KMT2D: variants seen among roughly 807,000 people sequenced by gnomAD.
KMT2D encodes lysine methyltransferase 2D.
A neutral mutation model predicts 512.7 loss-of-function variants in KMT2D; 55 were observed. The observed-to-expected ratio is 0.11, with a 90% CI of 0.09 to 0.13. The LOEUF is 0.13. KMT2D is among the 10% of genes least tolerant of loss of function. The pLI is 1.00. For missense variants in KMT2D, 6,061 were observed against 7,127.9 expected (o/e 0.85, Z 5.39); for synonymous variants, 2,995 against 2,904.0 (o/e 1.03, Z -1.01).
Position 49,043,126 on chromosome 12 carries a change from G to C in KMT2D, c.5594C>G (p.Thr1865Ser), listed in dbSNP as rs886049481. The C allele has an allele frequency of 4.3e-6, 7 of 1,613,986 alleles. No individual in the cohort carries two copies. The highest frequency in any genetic ancestry group is 5.9e-6 in the Non-Finnish European group (7 of 1,179,870). ...AGAGCTAAGCATCCCTTCACCTGGGGTGCCTGGCTTCTCAGGGTCACTGGG... is the reference window on the plus strand; with the variant it reads ...AGAGCTAAGCATCCCTTCACCTGGGCTGCCTGGCTTCTCAGGGTCACTGGG... ...PVPSDPEKPG[T>S]PGEGMLSSDL... Residue 1865 changes from threonine (T) to serine (S), a missense_variant, in exon 26 of 55, where the codon ACC becomes AGC. By Grantham distance (58) the Thr-to-Ser change is moderately conservative. Transcript: ENST00000301067.
Position 49,034,446 on chromosome 12 carries a change from G to C in KMT2D, c.10471C>G (p.Arg3491Gly), listed in dbSNP as rs902898516. 5.0e-6 allele frequency: 8 copies of C among 1,613,644 alleles called. No individual in the cohort carries two copies. In the Admixed American group the frequency reaches 1.0e-4, roughly 20 times the overall value. ...TGAGCAAAAGTGGGCGGGTTGGGAC[G>C]AGGCTGGGAGGGATCACCAGCACTC... ...ERSAGDPSQP[R>G]PNPPTFAQGV... Residue 3491 changes from arginine to glycine, a missense_variant, in exon 38 of 55, where the codon CGT becomes GGT. Transcript: ENST00000301067.
rs1273756973 is a variant in KMT2D at position 49,033,485 on chromosome 12, C to T, written c.11220G>A (p.Gln3740=). 6.3e-7 allele frequency: 1 copy of T among 1,599,402 alleles called. No individual in the cohort carries two copies. The highest frequency in any genetic ancestry group is 8.5e-7 in the Non-Finnish European group (1 of 1,171,228). The change falls in exon 40 of 55, where the codon CAG becomes CAA. Residue 3740 remains glutamine, a synonymous_variant. Coordinates refer to ENST00000301067, the MANE Select transcript of KMT2D (RefSeq NM_003482.4). ...CTAGAAGGTGCTGCTGCTGCTGTTGCTGCTGCTGCTGCTGCTGCAGTTTCT... is the reference window on the plus strand; with the variant it reads ...CTAGAAGGTGCTGCTGCTGCTGTTGTTGCTGCTGCTGCTGCTGCAGTTTCT... ...LAQKLQQQQQ[Q]QQQQQHLLGQ...
intron 35 of KMT2D, among the ~76,000 whole-genome samples, chr12:49,035,319 G>T (rs1409370189): frequency 1.3e-5 from 2 of 152,188 alleles, no homozygotes; most frequent in East Asian, 3.8e-4. Flanking sequence ...TTCTTCAAAG[G>T]TAATGTTCTT....
Position 49,052,314 on chromosome 12 carries a change from G to A in KMT2D, c.1369C>T (p.Pro457Ser), listed in dbSNP as rs958967605. Residue 457 changes from proline (P) to serine (S), a missense_variant, in exon 11 of 55, where the codon CCC (proline) becomes TCC (serine). Pro to Ser is a moderately conservative substitution (Grantham distance 74). This residue lies in a region of KMT2D where 848 missense variants were observed against 838.5 expected (regional missense o/e 1.01). Coordinates refer to ENST00000301067, the MANE Select transcript of KMT2D (RefSeq NM_003482.4). ...SPLSPPPEESPTSPPPEASRL... is the reference protein window; with the variant it reads ...SPLSPPPEESSTSPPPEASRL... ...GATGCCTCAGGTGGTGGGGACGTGG[G>A]TGATTCCTCAGGTGGTGGGGACAGG... 2 of 1,583,310 alleles carry A rather than the reference G, an allele frequency of 1.3e-6. No homozygotes were observed. The highest frequency in any genetic ancestry group is 1.7e-5 in the Admixed American group (1 of 58,514).
In KMT2D at chr12:49,026,142, T is replaced by A. The variant is rs1250166496; in HGVS notation, c.15784+40A>T. ...TAACAGTGACCCTGGGAGAAACTTT[T>A]CCCATTCCATATTATCCATTTCAAG... is the stretch of plus-strand genomic sequence containing the variant. On this transcript the variant is annotated intron_variant, in intron 49 of 54. Coordinates refer to ENST00000301067, the MANE Select transcript of KMT2D (RefSeq NM_003482.4). The surrounding 1 kb of genome is among the most constrained non-coding windows in gnomAD (Gnocchi z 9.6). 1 of 1,515,408 alleles carries A rather than the reference T, an allele frequency of 6.6e-7. No individual in the cohort carries two copies. Among genetic ancestry groups the A allele is most frequent in the South Asian group, 1.3e-5 (1 of 75,964 alleles). The allele number at this position is 1,515,408 out of a possible 1,614,324, so 93.9% of individuals were successfully genotyped here.
In KMT2D at chr12:49,022,975, T is replaced by G. The variant is rs764793853; in HGVS notation, c.16053-100A>C. On this transcript the variant is annotated intron_variant, in intron 51 of 54. Coordinates refer to ENST00000301067, the MANE Select transcript of KMT2D (RefSeq NM_003482.4). This position sits in a 1 kb window ranked among gnomAD's most constrained non-coding sequence, Gnocchi z 8.6. ...CTCCTGGGATGTGCAACACACCAGT[T>G]AGGGGCGTGTGCTGCTGGCAAGCAC... The G allele has an allele frequency of 1.6e-6, 2 of 1,255,134 alleles. No homozygotes were observed. Among genetic ancestry groups the G allele is most frequent in the Non-Finnish European group, 2.2e-6 (2 of 922,902 alleles). The allele number at this position is 1,255,134 out of a possible 1,614,324, so 77.7% of individuals were successfully genotyped here.
chr12:49,056,803 G>A (rs779945110), intron 1 of KMT2D, among the ~76,000 whole-genome samples: 2 of 152,158 alleles, frequency 1.3e-5, no homozygotes, highest in Non-Finnish European at 2.9e-5. Flanking sequence ...GATGAGACAG[G>A]GGGAACCCTC....
At position 49,060,382 on chromosome 12, in the gene KMT2D, TG is replaced by T. The variant is rs1938678148; in HGVS notation, c.-808del. Among the ~76,000 whole-genome samples, 2 of 151,380 alleles carry T rather than the reference TG, an allele frequency of 1.3e-5. No individual in the cohort carries two copies. The highest frequency in any genetic ancestry group is 6.6e-5 in the Admixed American group (1 of 15,242). ...CCCTGCGCTCGCCTCCCTTCCCCTC[TG>T]GCCTCGGGAGCTGCCCCGCCCCCGG... On this transcript the variant is annotated 5_prime_UTR_variant, in exon 1 of 55. Transcript: ENST00000301067.
chr12:49,040,654 G>A lies in KMT2D; in HGVS notation c.7116C>T (p.Gly2372=), dbSNP rs1445917311. The A allele has an allele frequency of 1.2e-6, 2 of 1,613,658 alleles. No homozygotes were observed. Among genetic ancestry groups the A allele is most frequent in the African/African-American group, 1.3e-5 (1 of 74,878 alleles). Residue 2372 remains glycine, a synonymous_variant, in exon 32 of 55, where the codon GGC becomes GGT. Coordinates refer to ENST00000301067, the MANE Select transcript of KMT2D (RefSeq NM_003482.4). ...PPSHPDIFRP[G]SYTDPYAQPP... ...GCTGAGCATATGGGTCAGTGTAGGAGCCAGGGCGAAAGATGTCTGGGTGAC... is the reference window on the plus strand; with the variant it reads ...GCTGAGCATATGGGTCAGTGTAGGAACCAGGGCGAAAGATGTCTGGGTGAC...
intron 36 of KMT2D, 41 bp from the exon 37 acceptor site, chr12:49,034,707 A>C (rs1339605957): frequency 1.2e-5 from 20 of 1,607,064 alleles, no homozygotes; most frequent in Non-Finnish European, 1.7e-5. Context: ...GTTGGCAATA[A>C]GAAAGTTGGA....
At position 49,030,892 on chromosome 12, in the gene KMT2D, CCTGTTTCAG is replaced by C. The variant is rs767962797; in HGVS notation, c.13663_13671del (p.Leu4555_Gln4557del). The C allele has an allele frequency of 3.2e-5, 51 of 1,613,786 alleles. No individual in the cohort carries two copies. The highest frequency in any genetic ancestry group is 1.2e-4 in the Admixed American group (7 of 59,998). ...AGGGGGACTGTCTCCTGGGGGGTCA[CCTGTTTCAG>C]CTGTTTCAGCAAGGCCTCGCTGGCC... On this transcript the variant is annotated inframe_deletion and splice_region_variant, in exon 41 of 55. Coordinates refer to ENST00000301067, the MANE Select transcript of KMT2D (RefSeq NM_003482.4).
rs1042167357 is a variant in KMT2D at position 49,032,438 on chromosome 12, C to T, written c.12267G>A (p.Leu4089=). The change falls in exon 40 of 55, where the codon CTG becomes CTA. Residue 4089 remains leucine (L), a synonymous_variant. Coordinates refer to ENST00000301067, the MANE Select transcript of KMT2D (RefSeq NM_003482.4). ...GAAGCCTCAGAGGTGGCTGCAGCTG[C>T]AGAGAGCTGGGCTGAGGCTGGGGCT... The part of the protein sequence containing the change: ...QPQPQPQPSS[L]QLQPPLRLPG... 1.3e-6 allele frequency: 2 copies of T among 1,575,728 alleles called. No individual in the cohort carries two copies. The highest frequency in any genetic ancestry group is 1.4e-5 in the African/African-American group (1 of 73,922).
rs558727970 is a variant in KMT2D, at chr12:49,043,503, C to T, written c.5468-75G>A. ...CCAGAACAGGTCTCCAGTCCCACAG[C>T]CCTACAGGCCAGGACCCTTGACCCC... On this transcript the variant is annotated intron_variant, in intron 24 of 54. Transcript: ENST00000301067. 14 of 1,593,630 alleles carry T rather than the reference C, an allele frequency of 8.8e-6. No homozygotes were observed. In the South Asian group the frequency reaches 1.3e-4, roughly 15 times the overall value.
At chr12:49,048,358 A>G (rs539311721) in intron 14 of KMT2D, among the ~76,000 whole-genome samples, 1 of 152,362 alleles carries the variant, frequency 6.6e-6, no homozygotes, top group African/African-American at 2.4e-5. Context: ...ATGTGACAAA[A>G]TTCTATCAGC....
chr12:49,050,401 C>A lies in KMT2D; in HGVS notation c.3187G>T (p.Gly1063Trp), dbSNP rs1937882991. The A allele has an allele frequency of 6.2e-7, 1 of 1,613,516 alleles. No individual in the cohort carries two copies. The highest frequency in any genetic ancestry group is 1.3e-5 in the African/African-American group (1 of 74,914). ...SPLSPIGKVV[G>W]VSDEAELHEM... ...TGCAGCTCAGCCTCATCTGAGACCCCCACTACCTTCCCTATGGGACTCAAC... is the reference window on the plus strand; with the variant it reads ...TGCAGCTCAGCCTCATCTGAGACCCACACTACCTTCCCTATGGGACTCAAC... Residue 1063 changes from glycine to tryptophan, a missense_variant, in exon 12 of 55, where the codon GGG (glycine) becomes TGG (tryptophan). Transcript: ENST00000301067.
rs1489772038 is a variant in KMT2D at position 49,032,555 on chromosome 12, T to C, written c.12150A>G (p.Ala4050=). The part of the protein sequence containing the change: ...GPSTHQGGPL[A]IGTTPESMAT... ...CCATTGACTCAGGGGTAGTTCCTATTGCTAACGGCCCTCCCTGATGTGTAG... is the reference window on the plus strand; with the variant it reads ...CCATTGACTCAGGGGTAGTTCCTATCGCTAACGGCCCTCCCTGATGTGTAG... The change falls in exon 40 of 55, where the codon GCA becomes GCG. Residue 4050 remains alanine, a synonymous_variant. Transcript: ENST00000301067. 1 of 1,611,902 alleles carries C rather than the reference T, an allele frequency of 6.2e-7. No individual in the cohort carries two copies.
Position 49,030,788 on chromosome 12 carries a change from A to G in KMT2D, c.13672-20T>C. ...CAGCTCCTACAAGGGGCAAGATGAC[A>G]AAGTTCAAAACCTGCAGCGTTTGCA... On this transcript the variant is annotated intron_variant, in intron 41 of 54. Coordinates refer to ENST00000301067, the MANE Select transcript of KMT2D (RefSeq NM_003482.4). The G allele has an allele frequency of 6.2e-7, 1 of 1,613,342 alleles. No homozygotes were observed. Among genetic ancestry groups the G allele is most frequent in the South Asian group, 1.1e-5 (1 of 91,062 alleles).
Position 49,034,271 on chromosome 12 carries a change from C to T in KMT2D, c.10536G>A (p.Glu3512=), listed in dbSNP as rs748001820. 2.9e-5 allele frequency: 47 copies of T among 1,613,594 alleles called. No individual in the cohort carries two copies. In the South Asian group the frequency reaches 4.5e-4, roughly 15 times the overall value. The change falls in exon 39 of 55, where the codon GAG becomes GAA. Residue 3512 remains glutamate, a synonymous_variant. Transcript: ENST00000301067. ...GGAGCTGCTGGGTATGGAACAGCCA[C>T]TCCTCATACTGCCGCTGGTCAGCTT... ...INEADQRQYE[E]WLFHTQQLLQ... is the part of the protein sequence containing the mutation.
In KMT2D at chr12:49,046,123, C is replaced by A. The variant is rs2120600902; in HGVS notation, c.4635G>T (p.Gln1545His). The change falls in exon 18 of 55, where the codon CAG becomes CAT. Residue 1545 changes from glutamine to histidine, a missense_variant. By Grantham distance (24) the Gln-to-His change is conservative. This residue lies in a region of KMT2D where 640 missense variants were observed against 814.3 expected (regional missense o/e 0.79). Coordinates refer to ENST00000301067, the MANE Select transcript of KMT2D (RefSeq NM_003482.4). The surrounding 1 kb of genome is among the most constrained non-coding windows in gnomAD (Gnocchi z 4.2). ...CACAGTCAAAGCCTTCATCGGCTGC[C>A]TGCTCCACATCGTCCTCTGTGAAGA... ...ESLFTEDDVE[Q>H]AADEGFDCVS... 1 of 1,611,104 alleles carries A rather than the reference C, an allele frequency of 6.2e-7. No homozygotes were observed. Among genetic ancestry groups the A allele is most frequent in the Non-Finnish European group, 8.5e-7 (1 of 1,178,598 alleles).
Sources: allele counts gnomAD v4.1 joint callset (sites outside exome capture counted in the v4.1 genomes callset), GRCh38; gene constraint gnomAD v4.1.1; regional missense constraint gnomAD v4.1.1; non-coding constraint Gnocchi (gnomAD v3.1); transcripts MANE v1.5; gene names NCBI Gene and HGNC (gene_info 2026-07-23, HGNC 2026-07-21).